Variants in ZNF883 observed in about 807,000 individuals in gnomAD.
The protein encoded by ZNF883 is zinc finger protein 883.
upstream of ZNF883, among the ~76,000 whole-genome samples, chr9:113,002,328 A>G (rs1313154190): frequency 6.6e-6 from 1 of 152,238 alleles, no homozygotes; most frequent in African/African-American, 2.4e-5. Context: ...TAAAAAGCTA[A>G]GAAAATATTG....
exon 1 of ZNF883, chr9:112,997,768 G>A: frequency 6.2e-7 from 1 of 1,613,652 alleles, no homozygotes; most frequent in Non-Finnish European, 8.5e-7. Context: ...GGTGTGTGCT[G>A]CGGCTGAAGG....
intron 1 of ZNF883, among the ~76,000 whole-genome samples, chr9:113,011,570 C>T (rs1828539596): frequency 6.6e-6 from 1 of 152,200 alleles, no homozygotes; most frequent in Non-Finnish European, 1.5e-5. Context: ...TCTTCGTCGC[C>T]CGCAGAGTGT....
intron 2 of ZNF883, among the ~76,000 whole-genome samples, chr9:113,003,459 T>G (rs902670382): frequency 3.9e-5 from 6 of 152,182 alleles, no homozygotes; most frequent in African/African-American, 1.2e-4. Flanking sequence ...TATGTTTTAC[T>G]TCCTGATGAT....
chr9:113,001,076 C>CT (rs1337135302), upstream of ZNF883, among the ~76,000 whole-genome samples: 1 of 151,978 alleles, frequency 6.6e-6, no homozygotes, highest in Non-Finnish European at 1.5e-5. Flanking sequence ...AGAGAAAGGA[C>CT]TAAGAACAGG....
At chr9:113,011,493 A>C (rs1564335874) in intron 1 of ZNF883, among the ~76,000 whole-genome samples, 1 of 152,240 alleles carries the variant, frequency 6.6e-6, no homozygotes, top group Non-Finnish European at 1.5e-5. Context: ...TGTTAACAAT[A>C]CTTGTAAAGC....
At chr9:112,989,766 T>A (rs1828283519) in intron 1 of ZNF883, among the ~76,000 whole-genome samples, 1 of 152,236 alleles carries the variant, frequency 6.6e-6, no homozygotes, top group Non-Finnish European at 1.5e-5. Flanking sequence ...GGAATGTATT[T>A]CCATTTGTTT....
Position 112,989,118 on chromosome 9 carries a change from A to G in ZNF883, n.310-5539T>C, listed in dbSNP as rs1428076671. ...ATGATAGTTTCTTTTGCTGTACAGA[A>G]GCTCTTTAGTTTAATTAGATCCCAT... On this transcript the variant is annotated intron_variant and non_coding_transcript_variant, in intron 1 of 9. Transcript: ENST00000638823. 9.2e-5 allele frequency among the ~76,000 whole-genome samples: 14 copies of G among 152,106 alleles called. 1 individual carries two copies. The highest frequency in any genetic ancestry group is 9.2e-4 in the Admixed American group (14 of 15,260).
intron 2 of ZNF883, among the ~76,000 whole-genome samples, chr9:113,006,624 G>A (rs1297488964): frequency 6.6e-6 from 1 of 152,080 alleles, no homozygotes; most frequent in Non-Finnish European, 1.5e-5. Flanking sequence ...TCTTAAAGAA[G>A]TAGGATTCAA....
At chr9:113,008,040 G>C (rs1029879397) in intron 2 of ZNF883, among the ~76,000 whole-genome samples, 8 of 151,458 alleles carry the variant, frequency 5.3e-5, no homozygotes, top group Non-Finnish European at 1.0e-4. Flanking sequence ...AGGGCAATGA[G>C]CCATTCAAAT....
chr9:112,989,018 C>G (rs372494357), intron 1 of ZNF883, among the ~76,000 whole-genome samples: 1 of 152,104 alleles, frequency 6.6e-6, no homozygotes, highest in East Asian at 1.9e-4. Context: ...CTTGTAGACT[C>G]TGGATATTAG....
chr9:113,003,829 G>A (rs1402274945), intron 2 of ZNF883, among the ~76,000 whole-genome samples: 1 of 152,238 alleles, frequency 6.6e-6, no homozygotes, highest in African/African-American at 2.4e-5. Context: ...CTCCTCAGCA[G>A]TTCAAGAGAA....
At chr9:112,994,886 CT>C (rs1305009682), downstream of ZNF883, among the ~76,000 whole-genome samples, 2 of 151,686 alleles carry the variant, frequency 1.3e-5, no homozygotes, top group East Asian at 3.9e-4. Context: ...ATTGGATTAC[CT>C]GGGATCTTTA....
upstream of ZNF883, among the ~76,000 whole-genome samples, chr9:113,003,183 G>T (rs1828442845): frequency 6.6e-6 from 1 of 152,188 alleles, no homozygotes; most frequent in African/African-American, 2.4e-5. Context: ...CATGGGCGCA[G>T]TTTCCCCCAT....
At chr9:112,993,384 G>A (rs989340778), downstream of ZNF883, among the ~76,000 whole-genome samples, 40 of 152,210 alleles carry the variant, frequency 2.6e-4, no homozygotes, top group African/African-American at 9.4e-4. Context: ...GGTATCACCA[G>A]TGGAGGCTGG....
At chr9:113,005,136 G>A (rs1828462114) in intron 2 of ZNF883, among the ~76,000 whole-genome samples, 1 of 151,980 alleles carries the variant, frequency 6.6e-6, no homozygotes, top group Non-Finnish European at 1.5e-5. Flanking sequence ...TTATAATCTT[G>A]CAATGGGGAA....
upstream of ZNF883, among the ~76,000 whole-genome samples, chr9:113,001,746 T>C (rs796715800): frequency 5.3e-5 from 8 of 152,334 alleles, no homozygotes; most frequent in African/African-American, 1.9e-4. Flanking sequence ...TCTTCTTAGT[T>C]GGAAGATAAT....
exon 1 of ZNF883, chr9:112,998,013 T>G: frequency 6.2e-7 from 1 of 1,613,076 alleles, no homozygotes; most frequent in Non-Finnish European, 8.5e-7. Context: ...TGAATAAGAT[T>G]AGTGCTCTGA....
downstream of ZNF883, among the ~76,000 whole-genome samples, chr9:112,995,588 G>A (rs1828345016): frequency 6.7e-6 from 1 of 149,524 alleles, no homozygotes; most frequent in Non-Finnish European, 1.5e-5. Context: ...TTCTCTCTCT[G>A]GAGAACACAC....
At chr9:112,990,626 A>G (rs1828293672) in intron 1 of ZNF883, among the ~76,000 whole-genome samples, 1 of 152,220 alleles carries the variant, frequency 6.6e-6, no homozygotes. Context: ...TGCTGGCCTC[A>G]TAAAATGAGT....
Sources: allele counts gnomAD v4.1 joint callset (sites outside exome capture counted in the v4.1 genomes callset), GRCh38; gene constraint gnomAD v4.1.1; transcripts MANE v1.5; gene names NCBI Gene and HGNC (gene_info 2026-07-23, HGNC 2026-07-21).